The following NPSR1 variants were observed in gnomAD, a reference collection of about 807,000 sequenced individuals.
NPSR1 encodes neuropeptide S receptor.
NPSR1 carries 48 observed loss-of-function variants against 46.9 expected under a neutral mutation model. The observed-to-expected ratio is 1.02, with a 90% CI of 0.81 to 1.30. NPSR1 has a LOEUF of 1.30. Ranked by LOEUF, NPSR1 falls within the 50% of genes most tolerant of loss-of-function variation. NPSR1 has a pLI of 0.00. For missense variants in NPSR1, 450 were observed against 449.5 expected, an observed-to-expected ratio of 1.00 and a Z score of -0.01; for synonymous variants, 176 against 168.1, an observed-to-expected ratio of 1.05 and a Z score of -0.36.
chr7:34,772,203 A>T (rs1056618116), intron 2 of NPSR1, among the ~76,000 whole-genome samples: 1 of 152,196 alleles, frequency 6.6e-6, no homozygotes, highest in Non-Finnish European at 1.5e-5. Context: ...AACATTAGTA[A>T]ACCTCATTTT....
intron 1 of NPSR1, among the ~76,000 whole-genome samples, chr7:34,669,674 C>A (rs1791944036): frequency 6.6e-6 from 1 of 152,108 alleles, no homozygotes; most frequent in Admixed American, 6.5e-5. Context: ...CTAATAATGA[C>A]CACTGGCACA....
chr7:34,856,759 G>A (rs1791058306), intron 8 of NPSR1, among the ~76,000 whole-genome samples: 1 of 151,602 alleles, frequency 6.6e-6, no homozygotes, highest in South Asian at 2.1e-4. Flanking sequence ...GAAAACTCGG[G>A]GAAGGGACCG....
rs565044748 is a variant in NPSR1 at position 34,704,525 on chromosome 7, TA to T, written c.280+19842del. On this transcript the variant is annotated intron_variant, in intron 2 of 8. Transcript: ENST00000360581. ...TCTTTGAGGTTTAATATGTAATTAT[TA>T]TCTTAAAAATATTTAATGTATACTA... Among the ~76,000 whole-genome samples the T allele has an allele frequency of 4.3e-3, 650 of 152,322 alleles. 1 individual carries two copies. The highest frequency in any genetic ancestry group is 0.015 in the African/African-American group (627 of 41,576).
At chr7:34,803,792 A>G (rs1039775248) in intron 3 of NPSR1, among the ~76,000 whole-genome samples, 2 of 151,764 alleles carry the variant, frequency 1.3e-5, no homozygotes, top group Non-Finnish European at 2.9e-5. Context: ...ACAAGTTACT[A>G]ATATCAGAAA....
intron 3 of NPSR1, among the ~76,000 whole-genome samples, chr7:34,792,715 T>TATATATATATTTATATATATATTTA: frequency 1.0e-5 from 1 of 98,920 alleles, no homozygotes; most frequent in African/African-American, 3.9e-5. Context: ...ATATATATAT[T>TATATATATATTTATATATATATTTA]TATATATATA....
chr7:34,725,229 C>T (rs1483050707), intron 2 of NPSR1, among the ~76,000 whole-genome samples: 2 of 151,946 alleles, frequency 1.3e-5, no homozygotes, highest in Non-Finnish European at 2.9e-5. Context: ...CACATATATT[C>T]CAAGAAGGGA....
intron 2 of NPSR1, among the ~76,000 whole-genome samples, chr7:34,694,102 T>C (rs1192484461): frequency 6.6e-6 from 1 of 152,088 alleles, no homozygotes; most frequent in Non-Finnish European, 1.5e-5. Context: ...AATGAGGATG[T>C]CCACATTCAC....
Position 34,673,278 on chromosome 7 carries a change from T to G in NPSR1, c.148-11274T>G, listed in dbSNP as rs909383218. On this transcript the variant is annotated intron_variant, in intron 1 of 8. Transcript: ENST00000360581. ...TAAGCTCCTTGTCTTCGCCTCCCTT[T>G]TATCCCCAAAGTATGTTGAACTTTG... Among the ~76,000 whole-genome samples, 3 of 152,126 alleles carry G rather than the reference T, an allele frequency of 2.0e-5. No individual in the cohort carries two copies. In the East Asian group the frequency reaches 5.8e-4, roughly 29 times the overall value.
chr7:34,873,659 C>T (rs1402891387), intron 8 of NPSR1, among the ~76,000 whole-genome samples: 4 of 151,754 alleles, frequency 2.6e-5, no homozygotes, highest in South Asian at 2.1e-4. Context: ...CTTCAACAAG[C>T]AGATAGGGCT....
At chr7:34,874,917 C>T (rs1429774245) in intron 8 of NPSR1, among the ~76,000 whole-genome samples, 1 of 152,138 alleles carries the variant, frequency 6.6e-6, no homozygotes, top group Admixed American at 6.5e-5. Flanking sequence ...GCTCCAACTA[C>T]CTCTGCTTTT....
intron 3 of NPSR1, among the ~76,000 whole-genome samples, chr7:34,790,735 ATGT>A (rs1461609030): frequency 1.3e-3 from 153 of 120,500 alleles, no homozygotes; most frequent in African/African-American, 4.2e-3. Context: ...TATATGTTAT[ATGT>A]TATATATAAT....
intron 2 of NPSR1, among the ~76,000 whole-genome samples, chr7:34,740,654 T>C (rs1038898329): frequency 4.6e-5 from 7 of 152,186 alleles, no homozygotes; most frequent in Admixed American, 3.3e-4. Context: ...AATATTCTCC[T>C]GTCATCTAGA....
intron 6 of NPSR1, among the ~76,000 whole-genome samples, chr7:34,843,265 A>C (rs1209625317): frequency 6.6e-6 from 1 of 152,252 alleles, no homozygotes; most frequent in Non-Finnish European, 1.5e-5. Context: ...TGGGAAATCC[A>C]AGAGCAGGGC....
chr7:34,688,061 G>A (rs1319765749), intron 2 of NPSR1, among the ~76,000 whole-genome samples: 6 of 152,098 alleles, frequency 3.9e-5, no homozygotes, highest in African/African-American at 1.2e-4. Context: ...GTTTCCATTG[G>A]TACTGCTGAA....
intron 7 of NPSR1, 33 bp downstream of exon 7, chr7:34,845,015 G>A (rs755585511): frequency 6.7e-7 from 1 of 1,494,770 alleles, no homozygotes; most frequent in South Asian, 1.1e-5. Flanking sequence ...CTGTAAAGTG[G>A]TATGAACGTC....
In NPSR1 at chr7:34,847,293, G is replaced by A. The variant is rs117390393; in HGVS notation, c.845-1190G>A. ...AAAAATTCTATGGATGAGAAAGTGG[G>A]AGAAGGAGAGTGGAGAATTTATGGT... On this transcript the variant is annotated intron_variant, in intron 7 of 8. Transcript: ENST00000360581. Among the ~76,000 whole-genome samples, 1,037 of 152,298 alleles carry A rather than the reference G, an allele frequency of 6.8e-3. 2 individuals are homozygous for A. Among genetic ancestry groups the A allele is most frequent in the Non-Finnish European group, 0.01 (710 of 68,040 alleles).
At chr7:34,658,635 G>A in intron 1 of NPSR1, 76 bp downstream of exon 1, 1 of 1,414,386 alleles carries the variant, frequency 7.1e-7, no homozygotes, top group Non-Finnish European at 9.9e-7. Context: ...GTCAATTGAA[G>A]TATCATAGCC....
intron 4 of NPSR1, among the ~76,000 whole-genome samples, chr7:34,815,227 A>G (rs942460623): frequency 6.6e-5 from 10 of 152,324 alleles, no homozygotes; most frequent in Admixed American, 3.3e-4. Context: ...AAGACCTTAA[A>G]TGACCTGAAG....
chr7:34,704,760 T>C (rs577804414), intron 2 of NPSR1, among the ~76,000 whole-genome samples: 66 of 152,294 alleles, frequency 4.3e-4, no homozygotes, highest in African/African-American at 1.6e-3. Flanking sequence ...CCTAGGGAAG[T>C]TGACCTGAAG....
Sources: gnomAD v4.1 joint callset for allele counts (sites outside exome capture counted in the v4.1 genomes callset) on GRCh38, gnomAD v4.1.1 for gene constraint, MANE v1.5 for transcripts, NCBI Gene and HGNC (gene_info 2026-07-23, HGNC 2026-07-21) for gene names.